Variants in SLC2A11 observed in about 807,000 individuals in gnomAD.
SLC2A11 encodes solute carrier family 2 member 11.
Under a neutral mutation model 52.1 loss-of-function variants are expected in SLC2A11, and 43 were observed. That is an observed-to-expected ratio of 0.82 (90% CI 0.65 to 1.06). The LOEUF (loss-of-function observed/expected upper bound fraction) is 1.06, where lower values mean the gene tolerates loss of function less well. SLC2A11 is among the 50% of genes least tolerant of loss of function. The probability of loss-of-function intolerance (pLI) is 0.00; values close to 1 mark genes in which losing one functional copy is unlikely to be tolerated. For missense variants in SLC2A11, 582 were observed against 654.2 expected (o/e 0.89, Z 1.20); for synonymous variants, 261 against 277.6 (o/e 0.94, Z 0.59).
At chr22:23,857,655 C>G (rs2031895262), upstream of SLC2A11, 1 of 1,138,036 alleles carries the variant, frequency 8.8e-7, no homozygotes. Context: ...CTTAAAAACG[C>G]TGAGTCCGCG....
chr22:23,868,216 A>G (rs2032331792), intron 2 of SLC2A11: 7 of 522,322 alleles, frequency 1.3e-5, no homozygotes, highest in Non-Finnish European at 1.4e-5. Flanking sequence ...AGAGAGAAAT[A>G]GTGTTTTCGC....
At chr22:23,858,534 T>C (rs1422443695) in intron 1 of SLC2A11, among the ~76,000 whole-genome samples, 1 of 152,180 alleles carries the variant, frequency 6.6e-6, no homozygotes, top group Non-Finnish European at 1.5e-5. Context: ...GCATGGCACA[T>C]TCCCTCACCT....
chr22:23,857,029 C>T, upstream of SLC2A11: 1 of 1,576,174 alleles, frequency 6.3e-7, no homozygotes, highest in Non-Finnish European at 8.6e-7. Flanking sequence ...TTTTCCCGTC[C>T]TCTGGGGAAA....
intron 6 of SLC2A11, chr22:23,879,884 C>G (rs1223177365): frequency 2.6e-5 from 4 of 152,344 alleles, no homozygotes; most frequent in African/African-American, 9.6e-5. Flanking sequence ...CAATGTGCTG[C>G]TTTTGATGGT....
intron 5 of SLC2A11, chr22:23,877,479 G>A (rs2032654856): frequency 1.3e-6 from 1 of 767,020 alleles, no homozygotes; most frequent in Non-Finnish European, 2.3e-6. Flanking sequence ...AAAAAGAGGA[G>A]AAGGCAGAGC....
upstream of SLC2A11, chr22:23,857,824 C>G: frequency 6.8e-7 from 1 of 1,474,924 alleles, no homozygotes; most frequent in Non-Finnish European, 8.9e-7. Context: ...GCTACAGCTT[C>G]GTCTCGACGG....
Position 23,884,374 on chromosome 22 carries a change from G to T in SLC2A11, c.1244G>T (p.Gly415Val). 1 of 1,614,014 alleles carries T rather than the reference G, an allele frequency of 6.2e-7. No homozygotes were observed. Among genetic ancestry groups the T allele is most frequent in the Non-Finnish European group, 8.5e-7 (1 of 1,180,006 alleles). Residue 415 changes from glycine (G) to valine (V), a missense_variant, in exon 11 of 12, where the codon GGG becomes GTG. Transcript: ENST00000316185. This position sits in a 1 kb window ranked among gnomAD's most constrained non-coding sequence, Gnocchi z 4.3. ...AGGCCTGCTGCCTGCATGGTCTGCG[G>T]GGCGCTCATGTGGATCATGCTCATC... ...MARPAACMVC[G>V]ALMWIMLILV... is the part of the protein sequence containing the mutation.
Position 23,875,135 on chromosome 22 carries a change from G to A in SLC2A11, c.309G>A (p.Val103=), listed in dbSNP as rs551224860. The A allele has an allele frequency of 1.9e-6, 3 of 1,593,042 alleles. No individual in the cohort carries two copies. The highest frequency in any genetic ancestry group is 2.3e-5 in the East Asian group (1 of 44,170). Residue 103 remains valine (V), a synonymous_variant, in exon 4 of 12, where the codon GTG becomes GTA. Transcript: ENST00000316185. ...CCCCAAGGAAGAAGTCCCTCCTGGT[G>A]AATAACATCTTTGTGGTGTCAGCAG... The part of the protein sequence containing the change: ...ITLGRKKSLL[V]NNIFVVSAAI...
At chr22:23,860,764 C>A (rs62239016) in intron 1 of SLC2A11, among the ~76,000 whole-genome samples, 40,567 of 145,604 alleles carry the variant, frequency 0.28, 6,133 homozygotes, top group Non-Finnish European at 0.33. Flanking sequence ...TCTCACTCAA[C>A]CTCCACCTCC....
rs540676236 is a variant in SLC2A11, at chr22:23,868,713, G to A, written c.290+72G>A. The A allele has an allele frequency of 3.1e-5, 49 of 1,564,980 alleles. 1 individual carries two copies. The South Asian group carries it at 5.5e-4, about 17-fold the overall frequency. ...CTGCAGCCTGCAGGCTGAGGAATGT[G>A]GAAGAAGGAAGAGGCCCGGCAAGCT... is the stretch of plus-strand genomic sequence containing the variant. On this transcript the variant is annotated intron_variant, in intron 3 of 11. Transcript: ENST00000316185.
intron 4 of SLC2A11, among the ~76,000 whole-genome samples, chr22:23,875,845 TC>T (rs1341078048): frequency 2.0e-5 from 3 of 152,232 alleles, no homozygotes; most frequent in African/African-American, 7.2e-5. Context: ...TCTCACAGTT[TC>T]TGTGGGCCAG....
chr22:23,861,405 C>T (rs2032061876), intron 1 of SLC2A11, among the ~76,000 whole-genome samples: 1 of 151,528 alleles, frequency 6.6e-6, no homozygotes, highest in Non-Finnish European at 1.5e-5. Flanking sequence ...TTTCACTGTC[C>T]TTTTGTGTAC....
At chr22:23,863,742 C>T (rs1003672941) in intron 2 of SLC2A11, among the ~76,000 whole-genome samples, 1 of 151,482 alleles carries the variant, frequency 6.6e-6, no homozygotes, top group African/African-American at 2.4e-5. Context: ...ATCCTCCTAC[C>T]TCAGCCTCCC....
At chr22:23,857,216 G>A, upstream of SLC2A11, 1 of 750,302 alleles carries the variant, frequency 1.3e-6, no homozygotes, top group Non-Finnish European at 2.2e-6. Flanking sequence ...CAGGGTTGCG[G>A]CTGAGGTCAG....
chr22:23,881,246 C>T (rs2032784936), intron 6 of SLC2A11: 1 of 152,120 alleles, frequency 6.6e-6, no homozygotes, highest in African/African-American at 2.4e-5. Flanking sequence ...GCAACTGCAG[C>T]TCAGCTGGGC....
chr22:23,857,583 C>A (rs568732654), upstream of SLC2A11: 78 of 1,472,660 alleles, frequency 5.3e-5, no homozygotes, highest in South Asian at 6.7e-4. Flanking sequence ...CCAAACCCCC[C>A]CCCCGCGGCG....
intron 3 of SLC2A11, chr22:23,871,867 G>A (rs551286502): frequency 2.0e-5 from 3 of 152,428 alleles, no homozygotes; most frequent in African/African-American, 4.8e-5. Flanking sequence ...CATTGGGCAA[G>A]TTTGGTTTAT....
chr22:23,885,319 C>T lies in SLC2A11; in HGVS notation c.*470C>T, dbSNP rs1295555960. The T allele has an allele frequency of 5.2e-6, 1 of 191,834 alleles. No individual in the cohort carries two copies. Among genetic ancestry groups the T allele is most frequent in the African/African-American group, 2.3e-5 (1 of 43,084 alleles). 11.9% of individuals were successfully genotyped at this position (191,834 alleles called of 1,614,324 possible). A position where few individuals can be genotyped will look rare whatever the true frequency, so the allele number is the denominator to read the frequency against. ...GCAGTAAGCTACAATCACACCACTG[C>T]ATGCCAGACTGGGTGACAGAGGGAG... On this transcript the variant is annotated 3_prime_UTR_variant, in exon 12 of 12. Coordinates refer to ENST00000316185, the MANE Select transcript of SLC2A11 (RefSeq NM_001024939.4).
At position 23,875,147 on chromosome 22, in the gene SLC2A11, T is replaced by G; in HGVS notation, c.321T>G (p.Phe107Leu). Reference protein sequence around the residue: ...RKKSLLVNNIFVVSAAILFGF... With the variant: ...RKKSLLVNNILVVSAAILFGF... ...AGTCCCTCCTGGTGAATAACATCTTTGTGGTGTCAGCAGCAATCCTGTTTG... is the reference window on the plus strand; with the variant it reads ...AGTCCCTCCTGGTGAATAACATCTTGGTGGTGTCAGCAGCAATCCTGTTTG... Residue 107 changes from phenylalanine (F) to leucine (L), a missense_variant, in exon 4 of 12, where the codon TTT (phenylalanine) becomes TTG (leucine). By Grantham distance (22) the Phe-to-Leu change is conservative. Transcript: ENST00000316185. 1 of 1,595,610 alleles carries G rather than the reference T, an allele frequency of 6.3e-7. No homozygotes were observed. Among genetic ancestry groups the G allele is most frequent in the South Asian group, 1.1e-5 (1 of 88,512 alleles).
Sources: gnomAD v4.1 joint callset for allele counts (sites outside exome capture counted in the v4.1 genomes callset) on GRCh38, gnomAD v4.1.1 for gene constraint, Gnocchi (gnomAD v3.1) non-coding constraint, MANE v1.5 for transcripts, NCBI Gene and HGNC (gene_info 2026-07-23, HGNC 2026-07-21) for gene names.